RASGRP3: variants seen among roughly 807,000 people sequenced by gnomAD.
RASGRP3 encodes the protein ras guanyl-releasing protein 3.
RASGRP3 carries 54 observed loss-of-function variants against 82.7 expected under a neutral mutation model. That is an observed-to-expected ratio of 0.65 (90% CI 0.52 to 0.82). The LOEUF (loss-of-function observed/expected upper bound fraction) is 0.82, where lower values mean the gene tolerates loss of function less well. Among genes scored for constraint, RASGRP3 ranks in the 40% least tolerant of loss-of-function variants. RASGRP3 has a pLI of 0.00. For missense variants in RASGRP3, 861 were observed against 828.9 expected (o/e 1.04, Z -0.48); for synonymous variants, 309 against 300.5 (o/e 1.03, Z -0.29).
At chr2:33,555,390 G>A in intron 14 of RASGRP3, 141 bp from the exon 15 acceptor site, 2 of 562,908 alleles carry the variant, frequency 3.6e-6, no homozygotes, top group South Asian at 2.6e-5. Context: ...CTTCTATCTG[G>A]CAGGAAGGGT....
intron 11 of RASGRP3, among the ~76,000 whole-genome samples, chr2:33,536,186 C>T (rs995329856): frequency 4.0e-5 from 6 of 151,788 alleles, no homozygotes; most frequent in African/African-American, 1.5e-4. Context: ...CCTGTAGTTC[C>T]AGCTACTTAG....
At chr2:33,446,469 A>AT (rs932894452) in intron 1 of RASGRP3, among the ~76,000 whole-genome samples, 19 of 136,178 alleles carry the variant, frequency 1.4e-4, no homozygotes, top group African/African-American at 8.3e-5. Context: ...AAGTAGGGCA[A>AT]TTTTTTTTGG....
At chr2:33,487,275 T>C (rs1046506282) in intron 1 of RASGRP3, among the ~76,000 whole-genome samples, 1 of 152,128 alleles carries the variant, frequency 6.6e-6, no homozygotes, top group African/African-American at 2.4e-5. Context: ...ATTTGCATTC[T>C]GGAAAAAAAT....
intron 2 of RASGRP3, among the ~76,000 whole-genome samples, chr2:33,513,049 A>C (rs1671088019): frequency 6.6e-6 from 1 of 152,256 alleles, no homozygotes; most frequent in Non-Finnish European, 1.5e-5. Context: ...CTTACAGATA[A>C]GGTAACTTTG....
chr2:33,534,397 A>G lies in RASGRP3; in HGVS notation c.1158A>G (p.Lys386=), dbSNP rs1465650254. 1 of 1,540,206 alleles carries G rather than the reference A, an allele frequency of 6.5e-7. No homozygotes were observed. Among genetic ancestry groups the G allele is most frequent in the Admixed American group, 1.7e-5 (1 of 58,004 alleles). The change falls in exon 11 of 18, where the codon AAA becomes AAG. Residue 386 remains lysine, a synonymous_variant. Transcript: ENST00000403687. ...LSLVLEPRNS[K]SQPTSPTTPN... ...TGGTGCTGGAGCCTAGAAATTCTAA[A>G]TCGGTAGGTATTATTTTCTCTCCAA...
chr2:33,487,523 A>G (rs1284276193), intron 1 of RASGRP3, among the ~76,000 whole-genome samples: 1 of 152,246 alleles, frequency 6.6e-6, no homozygotes, highest in Non-Finnish European at 1.5e-5. Flanking sequence ...TGAATATGCC[A>G]TTAACCTATA....
At position 33,511,261 on chromosome 2, in the gene RASGRP3, G is replaced by A. The variant is rs561141493; in HGVS notation, c.-260-449G>A. Among the ~76,000 whole-genome samples, 100 of 152,260 alleles carry A rather than the reference G, an allele frequency of 6.6e-4. 1 individual carries two copies. The highest frequency in any genetic ancestry group is 2.3e-3 in the African/African-American group (96 of 41,564). ...GCAAGTTCTTAAGGCCCCATTGGGA[G>A]ACTAAACAACCTGCTCTAAAATAAC... On this transcript the variant is annotated intron_variant, in intron 1 of 17. Transcript: ENST00000403687.
intron 1 of RASGRP3, among the ~76,000 whole-genome samples, chr2:33,501,070 A>T (rs1669828139): frequency 6.6e-6 from 1 of 152,244 alleles, no homozygotes; most frequent in African/African-American, 2.4e-5. Flanking sequence ...ACTGCAGTCA[A>T]TTCCCATTCC....
At chr2:33,525,101 A>T (rs1030243247) in intron 9 of RASGRP3, among the ~76,000 whole-genome samples, 1 of 151,462 alleles carries the variant, frequency 6.6e-6, no homozygotes, top group Non-Finnish European at 1.5e-5. Flanking sequence ...AAACCAAAAA[A>T]AAAAAAAAAA....
intron 1 of RASGRP3, among the ~76,000 whole-genome samples, chr2:33,508,410 G>A (rs550827598): frequency 8.5e-5 from 13 of 152,262 alleles, no homozygotes; most frequent in African/African-American, 2.4e-4. Flanking sequence ...TTCACGTAAC[G>A]TGGTCCCTGG....
At chr2:33,467,652 G>A (rs113337359) in intron 2 of RASGRP3, among the ~76,000 whole-genome samples, 9 of 152,286 alleles carry the variant, frequency 5.9e-5, no homozygotes, top group African/African-American at 2.2e-4. Context: ...CCAACTTGAC[G>A]CAGCTTGTGT....
chr2:33,436,937 A>G (rs1163056193), intron 1 of RASGRP3, among the ~76,000 whole-genome samples: 1 of 152,156 alleles, frequency 6.6e-6, no homozygotes, highest in Non-Finnish European at 1.5e-5. Flanking sequence ...CAAATTGCTG[A>G]TTAATAATCC....
chr2:33,458,290 A>G (rs1397648032), intron 2 of RASGRP3, among the ~76,000 whole-genome samples: 4 of 152,250 alleles, frequency 2.6e-5, no homozygotes, highest in Non-Finnish European at 5.9e-5. Flanking sequence ...AAAACAAAGA[A>G]TGCTTTGGCA....
chr2:33,452,900 C>T (rs1262263064), intron 2 of RASGRP3, among the ~76,000 whole-genome samples: 1 of 152,172 alleles, frequency 6.6e-6, no homozygotes, highest in Non-Finnish European at 1.5e-5. Context: ...CCCTTATCCA[C>T]AGGTGCTAGC....
intron 2 of RASGRP3, among the ~76,000 whole-genome samples, chr2:33,462,443 G>A (rs1222288238): frequency 1.3e-5 from 2 of 150,202 alleles, no homozygotes; most frequent in Non-Finnish European, 3.0e-5. Context: ...ACAGTGGTGC[G>A]ATCGGCACAC....
At chr2:33,475,520 A>C (rs939104224), upstream of RASGRP3, among the ~76,000 whole-genome samples, 1 of 152,202 alleles carries the variant, frequency 6.6e-6, no homozygotes, top group Non-Finnish European at 1.5e-5. Context: ...CCCCTGGGGG[A>C]CTTCAACCAT....
intron 2 of RASGRP3, among the ~76,000 whole-genome samples, chr2:33,456,032 T>G (rs1164878325): frequency 1.3e-5 from 2 of 152,242 alleles, no homozygotes; most frequent in Non-Finnish European, 2.9e-5. Context: ...CTTTGCCAGT[T>G]CTCTTTGTCC....
rs773130349 is a variant in RASGRP3, at chr2:33,543,536, G to C, written c.1303G>C (p.Asp435His). ...GTCTGTATTTAGAAACTATGATCACGACCATGATGGGTACATTTCCCAAGA... is the reference window on the plus strand; with the variant it reads ...GTCTGTATTTAGAAACTATGATCACCACCATGATGGGTACATTTCCCAAGA... Reference protein sequence around the residue: ...VESVFRNYDHDHDGYISQEDF... With the variant: ...VESVFRNYDHHHDGYISQEDF... The change falls in exon 13 of 18, where the codon GAC becomes CAC. Residue 435 changes from aspartate to histidine, a missense_variant. Coordinates refer to ENST00000403687, the MANE Select transcript of RASGRP3 (RefSeq NM_001139488.2). 1.2e-6 allele frequency: 2 copies of C among 1,608,018 alleles called. No homozygotes were observed. Among genetic ancestry groups the C allele is most frequent in the Admixed American group, 3.3e-5 (2 of 59,758 alleles).
intron 15 of RASGRP3, among the ~76,000 whole-genome samples, 186 bp downstream of exon 15, chr2:33,555,753 T>G (rs1275454403): frequency 6.6e-6 from 1 of 151,952 alleles, no homozygotes; most frequent in Non-Finnish European, 1.5e-5. Context: ...AAATTGGAAT[T>G]TTATAGCTTG....
Sources: gnomAD v4.1 joint callset for allele counts (sites outside exome capture counted in the v4.1 genomes callset) on GRCh38, gnomAD v4.1.1 for gene constraint, MANE v1.5 for transcripts, NCBI Gene and HGNC (gene_info 2026-07-23, HGNC 2026-07-21) for gene names.